Variants in ENOX1 observed in about 807,000 individuals in gnomAD.
ENOX1 encodes candidate growth-related and time keeping constitutive hydroquinone (NADH) oxidase.
Under a neutral mutation model 82.5 loss-of-function variants are expected in ENOX1, and 42 were observed. That is an observed-to-expected ratio of 0.51 (90% CI 0.40 to 0.66). The LOEUF (loss-of-function observed/expected upper bound fraction) is 0.66, where lower values mean the gene tolerates loss of function less well. ENOX1 is among the 30% of genes least tolerant of loss of function. ENOX1 has a pLI of 0.00. For synonymous variants in ENOX1, 271 were observed against 282.2 expected (o/e 0.96, Z 0.40); for missense variants, 608 against 811.6 (o/e 0.75, Z 3.05).
intron 3 of ENOX1, among the ~76,000 whole-genome samples, chr13:43,414,371 T>C (rs1203001057): frequency 6.6e-6 from 1 of 152,238 alleles, no homozygotes; most frequent in Non-Finnish European, 1.5e-5. Flanking sequence ...TGAATGATTC[T>C]AACTTTGGAA....
intron 12 of ENOX1, among the ~76,000 whole-genome samples, chr13:43,281,775 A>C (rs2045398856): frequency 6.6e-6 from 1 of 152,174 alleles, no homozygotes; most frequent in Admixed American, 6.6e-5. Flanking sequence ...GATAACACCA[A>C]GGTTAGTGTT....
rs529198991 is a variant in ENOX1 at position 43,606,616 on chromosome 13, TAG to T, written c.-219+60861_-219+60862del. ...ATTAAAACAATTGTACTAATTGATATAGAGAGTAGAACAATGATCACCAGAGA... is the reference window on the plus strand; with the variant it reads ...ATTAAAACAATTGTACTAATTGATATAGAGTAGAACAATGATCACCAGAGA... On this transcript the variant is annotated intron_variant, in intron 2 of 16. Transcript: ENST00000690772. Among the ~76,000 whole-genome samples, 33 of 152,230 alleles carry T rather than the reference TAG, an allele frequency of 2.2e-4. No individual in the cohort carries two copies. In the East Asian group the frequency reaches 5.2e-3, roughly 24 times the overall value.
intron 2 of ENOX1, among the ~76,000 whole-genome samples, chr13:43,518,800 G>A (rs1482826339): frequency 6.6e-6 from 1 of 152,128 alleles, no homozygotes; most frequent in Non-Finnish European, 1.5e-5. Flanking sequence ...TCCTCAATTA[G>A]GTGCTTCAGA....
chr13:43,329,695 T>A (rs2048317629), intron 9 of ENOX1, among the ~76,000 whole-genome samples: 1 of 152,160 alleles, frequency 6.6e-6, no homozygotes, highest in Non-Finnish European at 1.5e-5. Flanking sequence ...TATGAACTTA[T>A]ACACTTTTTT....
intron 2 of ENOX1, among the ~76,000 whole-genome samples, chr13:43,595,066 A>G (rs1221722703): frequency 6.7e-6 from 1 of 150,284 alleles, no homozygotes; most frequent in African/African-American, 2.5e-5. Context: ...CAGATGCCTC[A>G]GAGACACCAG....
intron 14 of ENOX1, among the ~76,000 whole-genome samples, chr13:43,240,733 T>C (rs1264738087): frequency 6.6e-6 from 1 of 152,192 alleles, no homozygotes; most frequent in Non-Finnish European, 1.5e-5. Context: ...CAAAATATTT[T>C]GGAGGAAGTA....
chr13:43,413,828 C>A (rs1348986112), intron 3 of ENOX1, among the ~76,000 whole-genome samples: 2 of 151,090 alleles, frequency 1.3e-5, no homozygotes, highest in African/African-American at 4.8e-5. Context: ...TTATAAAATG[C>A]TATGCCTTCT....
At chr13:43,416,996 G>A (rs2054633788) in intron 3 of ENOX1, among the ~76,000 whole-genome samples, 1 of 152,232 alleles carries the variant, frequency 6.6e-6, no homozygotes, top group Non-Finnish European at 1.5e-5. Flanking sequence ...ATCACTCGAG[G>A]TCAAGAGCTG....
chr13:43,541,197 T>TTTTTTTTTTTTTTTTTTC (rs2078708562), intron 2 of ENOX1, among the ~76,000 whole-genome samples: 1 of 84,332 alleles, frequency 1.2e-5, no homozygotes, highest in Non-Finnish European at 2.5e-5. Context: ...TTTTTTTTTT[T>TTTTTTTTTTTTTTTTTTC]TGCTAAAAAT....
chr13:43,379,082 GA>G lies in ENOX1; in HGVS notation c.209-17631del, dbSNP rs151019774. Reference sequence around the variant, plus strand: ...AAACATAGGCAACATCTAGAGGATGGAAAAGGCAAAAAAACAGATTCTCCTC... The same window carrying G: ...AAACATAGGCAACATCTAGAGGATGGAAAGGCAAAAAAACAGATTCTCCTC... On this transcript the variant is annotated intron_variant, in intron 5 of 16. Transcript: ENST00000690772. Among the ~76,000 whole-genome samples, 1,131 of 152,136 alleles carry G rather than the reference GA, an allele frequency of 7.4e-3. 7 individuals carry two copies. The highest frequency in any genetic ancestry group is 0.011 in the Non-Finnish European group (763 of 67,960).
At chr13:43,472,334 T>C (rs113086155) in intron 3 of ENOX1, among the ~76,000 whole-genome samples, 2,247 of 152,286 alleles carry the variant, frequency 0.015, 51 homozygotes, top group African/African-American at 0.051. Context: ...ATTGTTATGT[T>C]TGTTGCATAG....
chr13:43,394,744 A>C (rs1441154961), intron 5 of ENOX1: 1 of 153,406 alleles, frequency 6.5e-6, no homozygotes, highest in African/African-American at 2.4e-5. Context: ...AAATTCATCA[A>C]GAAAAGGCCA....
intron 2 of ENOX1, among the ~76,000 whole-genome samples, chr13:43,524,537 T>C (rs1460005153): frequency 6.6e-6 from 1 of 152,132 alleles, no homozygotes; most frequent in East Asian, 1.9e-4. Context: ...GCTTGCTCTC[T>C]GCTCCCATCT....
At chr13:43,230,439 G>A (rs772652140) in intron 15 of ENOX1, among the ~76,000 whole-genome samples, 29 of 152,072 alleles carry the variant, frequency 1.9e-4, no homozygotes, top group Non-Finnish European at 3.4e-4. Flanking sequence ...TTTCCTTCTC[G>A]TTTGTTGCAA....
intron 1 of ENOX1, among the ~76,000 whole-genome samples, chr13:43,781,801 G>A (rs112847041): frequency 0.12 from 18,665 of 152,180 alleles, 1,234 homozygotes; most frequent in Middle Eastern, 0.17. Context: ...GTGAGCCACC[G>A]CGCCCGGCCT....
At chr13:43,529,153 A>G (rs2078104846) in intron 2 of ENOX1, among the ~76,000 whole-genome samples, 1 of 151,948 alleles carries the variant, frequency 6.6e-6, no homozygotes, top group Non-Finnish European at 1.5e-5. Flanking sequence ...CCACAGTCTG[A>G]AAGTATTATT....
intron 7 of ENOX1, among the ~76,000 whole-genome samples, chr13:43,357,743 G>A (rs1227152693): frequency 6.6e-6 from 1 of 152,128 alleles, no homozygotes; most frequent in Non-Finnish European, 1.5e-5. Flanking sequence ...TCATCATTAA[G>A]GACTTAAAAG....
At chr13:43,215,844 T>A (rs2041446351) in intron 16 of ENOX1, among the ~76,000 whole-genome samples, 1 of 152,208 alleles carries the variant, frequency 6.6e-6, no homozygotes, top group Admixed American at 6.5e-5. Flanking sequence ...GTAGCCCACA[T>A]AATCTATTTT....
At chr13:43,324,277 T>C (rs961562658) in intron 10 of ENOX1, among the ~76,000 whole-genome samples, 1 of 152,188 alleles carries the variant, frequency 6.6e-6, no homozygotes, top group African/African-American at 2.4e-5. Flanking sequence ...AAGGGACTGT[T>C]GTTTAGTCCC....
Sources: allele counts gnomAD v4.1 joint callset (sites outside exome capture counted in the v4.1 genomes callset), GRCh38; gene constraint gnomAD v4.1.1; transcripts MANE v1.5; gene names NCBI Gene and HGNC (gene_info 2026-07-23, HGNC 2026-07-21).